RBM23: variants seen among roughly 807,000 people sequenced by gnomAD.
RBM23 encodes the protein RNA binding motif protein 23.
A neutral mutation model predicts 56.2 loss-of-function variants in RBM23; 53 were observed. The ratio of observed to expected loss-of-function variants is 0.94; its 90% CI spans 0.76 to 1.19. RBM23 has a LOEUF of 1.19. RBM23 is among the 50% of genes most tolerant of loss of function. RBM23 has a pLI of 0.00. For missense variants in RBM23, 642 were observed against 590.3 expected, an observed-to-expected ratio of 1.09 and a Z score of -0.91; for synonymous variants, 197 against 198.5, an observed-to-expected ratio of 0.99 and a Z score of 0.06.
At chr14:22,903,795 T>C in intron 10 of RBM23, 1 of 1,012,336 alleles carries the variant, frequency 9.9e-7, no homozygotes, top group Non-Finnish European at 1.2e-6. Context: ...GCCTCACTAT[T>C]CTCCCCATAG....
intron 1 of RBM23, chr14:22,916,975 TCTC>T (rs1480993412): frequency 2.0e-5 from 3 of 152,034 alleles, no homozygotes; most frequent in Admixed American, 1.3e-4. Flanking sequence ...TTCAAGCAAT[TCTC>T]CTGTCTCAGT....
Position 22,902,330 on chromosome 14 carries a change from T to C in RBM23, c.983A>G (p.Glu328Gly). 6.2e-7 allele frequency: 1 copy of C among 1,613,998 alleles called. No individual in the cohort carries two copies. Among genetic ancestry groups the C allele is most frequent in the Non-Finnish European group, 8.5e-7 (1 of 1,180,000 alleles). ...AACCCTCATAGGTCGACCAGCAAGC[T>C]CAAACCCATTCAACTGTTCCAGGGC... is the stretch of plus-strand genomic sequence containing the variant. ...RRALEQLNGF[E>G]LAGRPMRVGH... Residue 328 changes from glutamate to glycine, a missense_variant, in exon 11 of 14, where the codon GAG becomes GGG. By Grantham distance (98) the Glu-to-Gly change is moderately conservative. Coordinates refer to ENST00000359890, the MANE Select transcript of RBM23 (RefSeq NM_001077351.2).
intron 1 of RBM23, among the ~76,000 whole-genome samples, chr14:22,918,120 C>A (rs1318645253): frequency 2.0e-5 from 3 of 152,152 alleles, no homozygotes; most frequent in African/African-American, 7.2e-5. Context: ...ATAGGCCGGG[C>A]GCGGTGGCTC....
chr14:22,904,541 G>C (rs923889185), intron 9 of RBM23, among the ~76,000 whole-genome samples: 13 of 148,132 alleles, frequency 8.8e-5, no homozygotes, highest in Non-Finnish European at 3.0e-5. Context: ...TTTTTTCCGA[G>C]GCTCACTACA....
chr14:22,918,215 C>CA (rs1252820942), intron 1 of RBM23, among the ~76,000 whole-genome samples: 1 of 151,914 alleles, frequency 6.6e-6, no homozygotes, highest in Non-Finnish European at 1.5e-5. Context: ...GCTAACATGG[C>CA]AAAACCCCAT....
rs376457710 is a variant in RBM23, at chr14:22,902,056, GGCAGCAGCA to G, written c.1161_1169del (p.Ala391_Ala393del). The G allele has an allele frequency of 4.4e-5, 70 of 1,605,912 alleles. No homozygotes were observed. The highest frequency in any genetic ancestry group is 5.7e-5 in the Non-Finnish European group (67 of 1,175,104). Reference sequence around the variant, plus strand: ...GCAAGGCAGCAGCCTGGGCGGCGGCGGCAGCAGCAGCAGCAGCAGTGCTTGGCAGTTGGA... The same window carrying G: ...GCAAGGCAGCAGCCTGGGCGGCGGCGGCAGCAGCAGTGCTTGGCAGTTGGA... On this transcript the variant is annotated inframe_deletion, in exon 12 of 14. Transcript: ENST00000359890.
At chr14:22,906,777 G>A (rs1006187194) in intron 4 of RBM23, among the ~76,000 whole-genome samples, 2 of 152,222 alleles carry the variant, frequency 1.3e-5, no homozygotes, top group Admixed American at 6.5e-5. Flanking sequence ...GGTGGCTCAC[G>A]CCTGTAATCC....
At chr14:22,907,234 CA>C (rs1187816246) in intron 4 of RBM23, among the ~76,000 whole-genome samples, 4 of 152,050 alleles carry the variant, frequency 2.6e-5, no homozygotes, top group Admixed American at 6.5e-5. Flanking sequence ...CCCAGCTATT[CA>C]GGAGGCTGAG....
intron 3 of RBM23, among the ~76,000 whole-genome samples, chr14:22,908,892 T>G (rs536057723): frequency 6.6e-6 from 1 of 151,946 alleles, no homozygotes; most frequent in South Asian, 2.1e-4. Flanking sequence ...GAGGCCATTT[T>G]TCCCCCTAAT....
At chr14:22,911,688 A>C (rs2042554213) in intron 1 of RBM23, 1 of 176,048 alleles carries the variant, frequency 5.7e-6, no homozygotes, top group African/African-American at 2.4e-5. Flanking sequence ...CAAGGCAGGC[A>C]GATCACCTGA....
chr14:22,914,497 C>A (rs1427679700), intron 1 of RBM23, among the ~76,000 whole-genome samples: 2 of 151,524 alleles, frequency 1.3e-5, no homozygotes, highest in Non-Finnish European at 2.9e-5. Flanking sequence ...CTCAAAAATA[C>A]AAAAACAAAC....
In RBM23 at chr14:22,897,925, A is replaced by C. The variant is rs1409342780; in HGVS notation, c.*3805T>G. The C allele has an allele frequency of 6.6e-6, 1 of 152,244 alleles. No homozygotes were observed. The highest frequency in any genetic ancestry group is 1.5e-5 in the Non-Finnish European group (1 of 68,048). 9.4% of individuals were successfully genotyped at this position (152,244 alleles called of 1,614,324 possible). On this transcript the variant is annotated 3_prime_UTR_variant, in exon 14 of 14. Coordinates refer to ENST00000359890, the MANE Select transcript of RBM23 (RefSeq NM_001077351.2). Reference sequence around the variant, plus strand: ...GATTGTTGTGAGGATTTTGTGACTTAATACACGATTAGAACACCTAACCTA... The same window carrying C: ...GATTGTTGTGAGGATTTTGTGACTTCATACACGATTAGAACACCTAACCTA...
chr14:22,906,461 T>C, intron 4 of RBM23, 93 bp from the exon 5 acceptor site: 2 of 1,431,500 alleles, frequency 1.4e-6, no homozygotes, highest in East Asian at 2.3e-5. Flanking sequence ...ATTATAACGG[T>C]GCTGAGAAGT....
Position 22,905,155 on chromosome 14 carries a change from A to T in RBM23, c.665T>A (p.Leu222Gln), listed in dbSNP as rs1594261896. The T allele has an allele frequency of 6.2e-7, 1 of 1,614,258 alleles. No homozygotes were observed. The highest frequency in any genetic ancestry group is 8.5e-7 in the Non-Finnish European group (1 of 1,180,032). The change falls in exon 8 of 14, where the codon CTG (leucine) becomes CAG (glutamine). Residue 222 changes from leucine to glutamine, a missense_variant. Physicochemically the swap from Leu to Gln is moderately radical, Grantham distance 113. Coordinates refer to ENST00000359890, the MANE Select transcript of RBM23 (RefSeq NM_001077351.2). ...VEFCEIQSVP[L>Q]AIGLTGQRLL... is the part of the protein sequence containing the mutation. ...CCGCTGCCCAGTCAGCCCAATGGCC[A>T]GTGGCACAGACTGGATTTCACAGAA...
At chr14:22,903,342 G>A (rs761729568) in intron 10 of RBM23, 20 of 985,440 alleles carry the variant, frequency 2.0e-5, no homozygotes, top group Non-Finnish European at 2.4e-5. Context: ...AACAATGCAA[G>A]GGCAAAAATG....
At position 22,902,383 on chromosome 14, in the gene RBM23, C is replaced by T; in HGVS notation, c.931-1G>A. 1 of 1,609,054 alleles carries T rather than the reference C, an allele frequency of 6.2e-7. No homozygotes were observed. Among genetic ancestry groups the T allele is most frequent in the Non-Finnish European group, 8.5e-7 (1 of 1,175,726 alleles). ...GCCGGGCACACTCAGAATCAGAGAA[C>T]TATGAGAAACCCAGGCCATGTTAGT... is the stretch of plus-strand genomic sequence containing the variant. On this transcript the variant is annotated splice_acceptor_variant, in intron 10 of 13. Transcript: ENST00000359890. LOFTEE classifies it high-confidence loss of function.
At position 22,918,491 on chromosome 14, in the gene RBM23, T is replaced by C. The variant is rs560295307; in HGVS notation, c.-11+508A>G. On this transcript the variant is annotated intron_variant, in intron 1 of 13. Coordinates refer to ENST00000359890, the MANE Select transcript of RBM23 (RefSeq NM_001077351.2). ...TCAATCTTCATATGTGGCATCATAA[T>C]ACGCCTACTGGAATGAGTGCTTGAA... Among the ~76,000 whole-genome samples the C allele has an allele frequency of 7.9e-5, 12 of 152,274 alleles. 1 individual carries two copies. The South Asian group carries it at 2.5e-3, about 32-fold the overall frequency.
chr14:22,918,846 G>A (rs931943967), intron 1 of RBM23, 153 bp downstream of exon 1: 1 of 152,178 alleles, frequency 6.6e-6, no homozygotes, highest in African/African-American at 2.4e-5. Context: ...AACACTTCCA[G>A]GTCAAAACAA....
At position 22,903,334 on chromosome 14, in the gene RBM23, C is replaced by T. The variant is rs904070115; in HGVS notation, c.930+927G>A. ...TCAAGGTTGTTGACCCAAAAGGCAA[C>T]AATGCAAGGGCAAAAATGCCCCACA... is the stretch of plus-strand genomic sequence containing the variant. On this transcript the variant is annotated intron_variant, in intron 10 of 13. Coordinates refer to ENST00000359890, the MANE Select transcript of RBM23 (RefSeq NM_001077351.2). 2.5e-5 allele frequency: 25 copies of T among 985,484 alleles called. 1 individual carries two copies. In the South Asian group the frequency reaches 1.1e-3, roughly 44 times the overall value. 61.0% of individuals were successfully genotyped at this position (985,484 alleles called of 1,614,324 possible).
Sources: gnomAD v4.1 joint callset for allele counts (sites outside exome capture counted in the v4.1 genomes callset) on GRCh38, gnomAD v4.1.1 for gene constraint, MANE v1.5 for transcripts, NCBI Gene and HGNC (gene_info 2026-07-23, HGNC 2026-07-21) for gene names.